Variants in RTBDN observed in about 807,000 individuals in gnomAD.
The protein encoded by RTBDN is retbindin.
Under a neutral mutation model 21.9 loss-of-function variants are expected in RTBDN, and 24 were observed. The observed-to-expected ratio is 1.10, with a 90% CI of 0.79 to 1.54. RTBDN has a LOEUF of 1.54. RTBDN is among the 40% of genes most tolerant of loss of function. The pLI is 0.00. For synonymous variants in RTBDN, 141 were observed against 125.9 expected, an observed-to-expected ratio of 1.12 and a Z score of -0.80; for missense variants, 325 against 315.2, an observed-to-expected ratio of 1.03 and a Z score of -0.23.
At chr19:12,831,016 TTGTGTGTGTGTGTGTGTG>T (rs56204944) in intron 1 of RTBDN, among the ~76,000 whole-genome samples, 4 of 132,478 alleles carry the variant, frequency 3.0e-5, no homozygotes, top group Admixed American at 1.5e-4. Flanking sequence ...GGTGGAGTGG[TTGTGTGTGTGTGTGTGTG>T]TGTGTGTGTG....
Position 12,826,775 on chromosome 19 carries a change from C to G in RTBDN, c.462G>C (p.Gln154His). 1 of 1,546,370 alleles carries G rather than the reference C, an allele frequency of 6.5e-7. No individual in the cohort carries two copies. The highest frequency in any genetic ancestry group is 8.8e-7 in the Non-Finnish European group (1 of 1,142,184). ...CCTTCACCTTCTGCCCCACGCTCAC[C>G]TGTCCATAGGTAAGGCAGCTGGGCT... Reference protein sequence around the residue: ...GCEPSCLTYGQTFADGTDLCR... With the variant: ...GCEPSCLTYGHTFADGTDLCR... The change falls in exon 5 of 6, where the codon CAG becomes CAC. Residue 154 changes from glutamine to histidine, a missense_variant and splice_region_variant. Transcript: ENST00000674343.
In RTBDN at chr19:12,825,841, G is replaced by A; in HGVS notation, c.555C>T (p.Ser185=). The A allele has an allele frequency of 6.2e-7, 1 of 1,613,640 alleles. No homozygotes were observed. Among genetic ancestry groups the A allele is most frequent in the South Asian group, 1.1e-5 (1 of 91,012 alleles). ...GTCTGGGACGAGGTACCGCGGAGAT[G>A]GAGATGTTGAAGCAGTGACGGGCTC... The part of the protein sequence containing the change: ...APGARHCFNI[S]ISAVPRPRPG... The change falls in exon 6 of 6, where the codon TCC becomes TCT. Residue 185 remains serine, a synonymous_variant. Transcript: ENST00000674343.
upstream of RTBDN, chr19:12,834,908 G>C: frequency 6.3e-7 from 1 of 1,590,170 alleles, no homozygotes; most frequent in African/African-American, 1.3e-5. The surrounding 1 kb of genome is among the most constrained non-coding windows in gnomAD (Gnocchi z 4.7). Context: ...CATCCCAGAG[G>C]GGAAGGTGAT....
rs951079485 is a variant in RTBDN, at chr19:12,826,441, C to T, written c.462+334G>A. ...GGGGGCGGTGGCTCACACCTGTAAT[C>T]CCAACACTTTGGGAGGCCGAGGTGG... On this transcript the variant is annotated intron_variant, in intron 5 of 5. Coordinates refer to ENST00000674343, the MANE Select transcript of RTBDN (RefSeq NM_001270441.2). The T allele has an allele frequency of 5.6e-6, 7 of 1,239,204 alleles. No individual in the cohort carries two copies. In the African/African-American group the frequency reaches 7.8e-5, roughly 14 times the overall value. 76.8% of individuals were successfully genotyped at this position (1,239,204 alleles called of 1,614,324 possible). A position where few individuals can be genotyped will look rare whatever the true frequency, so the allele number is the denominator to read the frequency against.
rs748239376 is a variant in RTBDN at position 12,828,690 on chromosome 19, G to T, written c.332C>A (p.Ala111Glu). 3.7e-6 allele frequency: 6 copies of T among 1,614,072 alleles called. No homozygotes were observed. Among genetic ancestry groups the T allele is most frequent in the Non-Finnish European group, 5.1e-6 (6 of 1,180,024 alleles). Residue 111 changes from alanine to glutamate, a missense_variant, in exon 4 of 6, where the codon GCA (alanine) becomes GAA (glutamate). Coordinates refer to ENST00000674343, the MANE Select transcript of RTBDN (RefSeq NM_001270441.2). ...GCAGAGCTCCTCGCAGAGCGGCTGT[G>T]CCTGGCGTACCCCCAATAGCCGCAG... Reference protein sequence around the residue: ...FRLRLLGVRQAQPLCEELCQA... With the variant: ...FRLRLLGVRQEQPLCEELCQA...
At chr19:12,826,083 G>A in intron 5 of RTBDN, 150 bp from the exon 6 acceptor site, 1 of 1,411,546 alleles carries the variant, frequency 7.1e-7, no homozygotes, top group South Asian at 1.6e-5. Flanking sequence ...AACGTGAGTG[G>A]GGGCAGGTCC....
chr19:12,829,097 G>A, intron 2 of RTBDN, 144 bp from the exon 3 acceptor site: 2 of 1,313,788 alleles, frequency 1.5e-6, no homozygotes, highest in East Asian at 2.6e-5. Flanking sequence ...CCTTTGGAAT[G>A]CAAATGCAGC....
Position 12,829,869 on chromosome 19 carries a change from C to G in RTBDN, c.111G>C (p.Arg37Ser). ...ACGGSRPLQA[R>S]SQQHHGLAAD... The stretch of plus-strand genomic sequence containing the variant: ...CTGCCAGCCCATGGTGTTGCTGGGA[C>G]CTGGCTTGGAGTGGGCGGCTCCCTC... The change falls in exon 2 of 6, where the codon AGG (arginine) becomes AGC (serine). Residue 37 changes from arginine to serine, a missense_variant. Coordinates refer to ENST00000674343, the MANE Select transcript of RTBDN (RefSeq NM_001270441.2). The G allele has an allele frequency of 6.2e-7, 1 of 1,614,148 alleles. No individual in the cohort carries two copies. Among genetic ancestry groups the G allele is most frequent in the Non-Finnish European group, 8.5e-7 (1 of 1,180,006 alleles).
At chr19:12,833,171 G>A (rs183872995) in intron 1 of RTBDN, among the ~76,000 whole-genome samples, 1 of 152,240 alleles carries the variant, frequency 6.6e-6, no homozygotes, top group East Asian at 1.9e-4. Flanking sequence ...GGTGGGTGGG[G>A]GGGCATAATA....
upstream of RTBDN, chr19:12,835,122 T>C (rs1170569512): frequency 6.2e-7 from 1 of 1,612,392 alleles, no homozygotes; most frequent in Non-Finnish European, 8.5e-7. Context: ...TAATCCATCA[T>C]TCCCGAGGTT....
Position 12,834,558 on chromosome 19 carries a change from A to C in RTBDN, c.-88T>G. 1 of 1,530,166 alleles carries C rather than the reference A, an allele frequency of 6.5e-7. No homozygotes were observed. Among genetic ancestry groups the C allele is most frequent in the Non-Finnish European group, 8.8e-7 (1 of 1,142,286 alleles). 94.8% of individuals were successfully genotyped at this position (1,530,166 alleles called of 1,614,324 possible). A position where few individuals can be genotyped will look rare whatever the true frequency, so the allele number is the denominator to read the frequency against. On this transcript the variant is annotated 5_prime_UTR_variant, in exon 1 of 6. It removes an upstream start codon present in the reference 5' UTR. Transcript: ENST00000674343. This position sits in a 1 kb window ranked among gnomAD's most constrained non-coding sequence, Gnocchi z 4.7. ...CACCTAGACAGCTTTCTCACTCTTC[A>C]TTCCACCTCCTCCACTACAACATCC... is the stretch of plus-strand genomic sequence containing the variant.
At chr19:12,829,114 T>C in intron 2 of RTBDN, 161 bp from the exon 3 acceptor site, 1 of 1,167,678 alleles carries the variant, frequency 8.6e-7, no homozygotes, top group Non-Finnish European at 1.2e-6. Context: ...CAGCTTCAAG[T>C]AGTAATAATC....
intron 5 of RTBDN, 77 bp from the exon 6 acceptor site, chr19:12,826,010 T>C (rs1969281767): frequency 6.9e-7 from 1 of 1,453,820 alleles, no homozygotes; most frequent in South Asian, 1.4e-5. Flanking sequence ...AAGGGAAAAA[T>C]GTGTAAATTC....
chr19:12,826,365 C>T (rs771282400), intron 5 of RTBDN: 77 of 1,267,828 alleles, frequency 6.1e-5, no homozygotes, highest in Non-Finnish European at 7.6e-5. Flanking sequence ...TGGGGAGTAC[C>T]AATCCGGTCT....
Position 12,828,668 on chromosome 19 carries a change from G to A in RTBDN, c.354C>T (p.Leu118=), listed in dbSNP as rs758865500. Residue 118 remains leucine (L), a synonymous_variant, in exon 4 of 6, where the codon CTC becomes CTT. Coordinates refer to ENST00000674343, the MANE Select transcript of RTBDN (RefSeq NM_001270441.2). ...CCCGCGTCTCCTACCAGGCCTGGCA[G>A]AGCTCCTCGCAGAGCGGCTGTGCCT... ...VRQAQPLCEE[L]CQAWFANCED... The A allele has an allele frequency of 1.2e-6, 2 of 1,613,368 alleles. No homozygotes were observed. Among genetic ancestry groups the A allele is most frequent in the Non-Finnish European group, 1.7e-6 (2 of 1,179,602 alleles).
chr19:12,829,910 G>T lies in RTBDN; in HGVS notation c.70C>A (p.Leu24Met), dbSNP rs755527910. Residue 24 changes from leucine to methionine, a missense_variant, in exon 2 of 6, where the codon CTG becomes ATG. By Grantham distance (15) the Leu-to-Met change is conservative. Coordinates refer to ENST00000674343, the MANE Select transcript of RTBDN (RefSeq NM_001270441.2). ...WVLQLTLAWI[L>M]LEACGGSRPL... ...CGGCTCCCTCCACAGGCTTCTAGCA[G>T]GATCCATGCCAAGGTCAGTTGCAGC... 2 of 1,614,148 alleles carry T rather than the reference G, an allele frequency of 1.2e-6. No homozygotes were observed. The highest frequency in any genetic ancestry group is 4.5e-5 in the East Asian group (2 of 44,850).
chr19:12,833,933 T>C (rs1020354342), intron 1 of RTBDN: 1 of 273,890 alleles, frequency 3.7e-6, no homozygotes, highest in East Asian at 5.7e-5. Flanking sequence ...ACCTCCCTCC[T>C]CCCTCCCCGG....
At chr19:12,826,138 AGGGTTGG>A in intron 5 of RTBDN, 1 of 1,380,594 alleles carries the variant, frequency 7.2e-7, no homozygotes, top group African/African-American at 1.5e-5. Context: ...GGGATGAATC[AGGGTTGG>A]GGCAGTTGGG....
intron 3 of RTBDN, 38 bp from the exon 4 acceptor site, chr19:12,828,805 C>A (rs760799123): frequency 6.2e-7 from 1 of 1,613,574 alleles, no homozygotes; most frequent in Non-Finnish European, 8.5e-7. Context: ...TGGGTCAGGA[C>A]CCGAGGGAGT....
Sources: allele counts gnomAD v4.1 joint callset (sites outside exome capture counted in the v4.1 genomes callset), GRCh38; gene constraint gnomAD v4.1.1; non-coding constraint Gnocchi (gnomAD v3.1); transcripts MANE v1.5; gene names NCBI Gene and HGNC (gene_info 2026-07-23, HGNC 2026-07-21).